ASIC2: variants seen among roughly 807,000 people sequenced by gnomAD.
The protein encoded by ASIC2 is acid-sensing ion channel 2.
In ASIC2, 25 loss-of-function variants were observed where a neutral mutation model predicts 57.3. The ratio of observed to expected loss-of-function variants is 0.44; its 90% CI spans 0.32 to 0.61. The LOEUF (loss-of-function observed/expected upper bound fraction) is 0.61, where lower values mean the gene tolerates loss of function less well. ASIC2 is among the 20% of genes least tolerant of loss of function. The pLI, the probability that ASIC2 is intolerant of heterozygous loss-of-function variation, is 0.06. For synonymous variants in ASIC2, 319 were observed against 307.5 expected, an observed-to-expected ratio of 1.04 and a Z score of -0.39; for missense variants, 641 against 738.1, an observed-to-expected ratio of 0.87 and a Z score of 1.52.
At chr17:33,488,946 T>C (rs1913663440) in intron 1 of ASIC2, among the ~76,000 whole-genome samples, 1 of 152,116 alleles carries the variant, frequency 6.6e-6, no homozygotes, top group African/African-American at 2.4e-5. Flanking sequence ...CTTCACCTGG[T>C]CTGACCCAGT....
chr17:33,369,662 A>T (rs1193661544), intron 1 of ASIC2, among the ~76,000 whole-genome samples: 1 of 152,130 alleles, frequency 6.6e-6, no homozygotes, highest in African/African-American at 2.4e-5. Flanking sequence ...GTTACAGAGG[A>T]GGAAACAAAG....
In ASIC2 at chr17:33,538,002, T is replaced by C. The variant is rs1042319596; in HGVS notation, c.556-425935A>G. 8.5e-5 allele frequency among the ~76,000 whole-genome samples: 13 copies of C among 152,320 alleles called. No homozygotes were observed. The East Asian group carries it at 1.9e-3, about 23-fold the overall frequency. ...ACTTAACCTCTCTGATTCTCAGTTT[T>C]CTCTGTAGAAAAGGGTTAATGATAT... On this transcript the variant is annotated intron_variant, in intron 1 of 9. Transcript: ENST00000359872.
chr17:33,203,160 G>A (rs1022061135), intron 1 of ASIC2, among the ~76,000 whole-genome samples: 1 of 152,180 alleles, frequency 6.6e-6, no homozygotes, highest in Non-Finnish European at 1.5e-5. Flanking sequence ...AGCTCCACTA[G>A]TGCCTGTATT....
intron 3 of ASIC2, among the ~76,000 whole-genome samples, chr17:33,079,597 G>T (rs920336011): frequency 2.6e-5 from 4 of 152,056 alleles, no homozygotes; most frequent in African/African-American, 9.7e-5. Flanking sequence ...TCATGTTGTT[G>T]CAGAGAATGG....
Position 33,685,146 on chromosome 17 carries a change from T to C in ASIC2, c.555+470832A>G, listed in dbSNP as rs1908142365. Among the ~76,000 whole-genome samples the C allele has an allele frequency of 5.9e-5, 9 of 152,294 alleles. No individual in the cohort carries two copies. In the South Asian group the frequency reaches 1.9e-3, roughly 32 times the overall value. On this transcript the variant is annotated intron_variant, in intron 1 of 9. Transcript: ENST00000359872. ...TAGTCTTTCACTGAGAGGAGAGACG[T>C]GTACACACGGATGGAGGTCAGATTT...
intron 1 of ASIC2, among the ~76,000 whole-genome samples, chr17:33,196,147 T>C (rs932154368): frequency 1.1e-4 from 16 of 152,212 alleles, no homozygotes; most frequent in Non-Finnish European, 4.4e-5. Flanking sequence ...GTAGCTCATT[T>C]CATCGTTCCT....
At chr17:34,104,424 A>G (rs1028748665) in intron 1 of ASIC2, among the ~76,000 whole-genome samples, 5 of 152,126 alleles carry the variant, frequency 3.3e-5, no homozygotes, top group African/African-American at 9.7e-5. Flanking sequence ...GTTTATAGAA[A>G]CAAATTCTTC....
At chr17:33,794,193 T>C (rs935442305) in intron 1 of ASIC2, 3 of 152,180 alleles carry the variant, frequency 2.0e-5, no homozygotes, top group Non-Finnish European at 4.4e-5. Context: ...GTCTCCTCCA[T>C]GACAGAGGGC....
intron 1 of ASIC2, among the ~76,000 whole-genome samples, chr17:33,449,770 T>C (rs117383729): frequency 0.025 from 3,639 of 148,278 alleles, 62 homozygotes; most frequent in Non-Finnish European, 0.04. Context: ...TTTTCTTTTT[T>C]CTTTTCTTTT....
chr17:33,752,171 T>G (rs1408390256), intron 1 of ASIC2, among the ~76,000 whole-genome samples: 1 of 152,068 alleles, frequency 6.6e-6, no homozygotes, highest in African/African-American at 2.4e-5. Context: ...AAGAGTAGAC[T>G]CAGCTGGTGG....
chr17:33,761,810 C>T (rs1910789109), intron 1 of ASIC2, among the ~76,000 whole-genome samples: 1 of 151,664 alleles, frequency 6.6e-6, no homozygotes, highest in Non-Finnish European at 1.5e-5. Context: ...TTTCAAAACC[C>T]ACCTAAGACC....
At chr17:33,654,332 T>G (rs1184044466) in intron 1 of ASIC2, among the ~76,000 whole-genome samples, 1 of 152,210 alleles carries the variant, frequency 6.6e-6, no homozygotes, top group Non-Finnish European at 1.5e-5. Flanking sequence ...TTTTTCCTCT[T>G]TAACAGAAAC....
At chr17:33,371,512 C>T (rs759331464) in intron 1 of ASIC2, among the ~76,000 whole-genome samples, 1 of 152,180 alleles carries the variant, frequency 6.6e-6, no homozygotes, top group Non-Finnish European at 1.5e-5. Flanking sequence ...CTAAAACCTT[C>T]CTTTCCTCCT....
At chr17:33,997,933 G>A (rs1005847531) in intron 1 of ASIC2, among the ~76,000 whole-genome samples, 1 of 152,136 alleles carries the variant, frequency 6.6e-6, no homozygotes, top group African/African-American at 2.4e-5. Context: ...TTTTGAAAAA[G>A]TTTGAGAAGA....
At chr17:33,417,167 G>C (rs373337680) in intron 1 of ASIC2, among the ~76,000 whole-genome samples, 1 of 152,148 alleles carries the variant, frequency 6.6e-6, no homozygotes, top group African/African-American at 2.4e-5. Context: ...GGAGGACTAG[G>C]GTGTTGAATG....
At chr17:33,326,274 T>C (rs796815436) in intron 1 of ASIC2, among the ~76,000 whole-genome samples, 33 of 152,256 alleles carry the variant, frequency 2.2e-4, no homozygotes, top group African/African-American at 7.7e-4. Context: ...GAAATCGAGG[T>C]CATTAACTTG....
intron 1 of ASIC2, among the ~76,000 whole-genome samples, chr17:34,030,989 C>G (rs1269123044): frequency 1.3e-5 from 2 of 152,230 alleles, no homozygotes; most frequent in Non-Finnish European, 2.9e-5. Context: ...TTAAATGTCC[C>G]TCTCTGACAG....
chr17:33,549,151 A>G (rs552559323), intron 1 of ASIC2, among the ~76,000 whole-genome samples: 1 of 152,332 alleles, frequency 6.6e-6, no homozygotes, highest in East Asian at 1.9e-4. Context: ...CATGGCAGGC[A>G]TGCAATAAAT....
At chr17:33,881,876 T>A (rs1914708650) in intron 1 of ASIC2, among the ~76,000 whole-genome samples, 1 of 152,148 alleles carries the variant, frequency 6.6e-6, no homozygotes. Flanking sequence ...AAGGCTACAG[T>A]AACCAACACA....
Sources: allele counts gnomAD v4.1 joint callset (sites outside exome capture counted in the v4.1 genomes callset), GRCh38; gene constraint gnomAD v4.1.1; transcripts MANE v1.5; gene names NCBI Gene and HGNC (gene_info 2026-07-23, HGNC 2026-07-21).